ZFHX3: variants seen among roughly 807,000 people sequenced by gnomAD.
ZFHX3 encodes the protein zinc finger homeobox 3, also known as zinc finger homeobox protein 3.
ZFHX3 carries 42 observed loss-of-function variants against 279.1 expected under a neutral mutation model. The ratio of observed to expected loss-of-function variants is 0.15; its 90% CI spans 0.12 to 0.19. The LOEUF (loss-of-function observed/expected upper bound fraction) is 0.19. Ranked by LOEUF, ZFHX3 falls within the 10% of genes least tolerant of loss-of-function variation. ZFHX3 has a pLI of 1.00. For missense variants in ZFHX3, 4,981 were observed against 4,754.0 expected (o/e 1.05, Z -1.40); for synonymous variants, 2,293 against 1,957.8 (o/e 1.17, Z -4.52).
rs972547751 is a variant in ZFHX3, at chr16:72,788,107, T to G, written c.10169A>C (p.Lys3390Thr). 6.2e-7 allele frequency: 1 copy of G among 1,608,494 alleles called. No individual in the cohort carries two copies. The highest frequency in any genetic ancestry group is 1.3e-5 in the African/African-American group (1 of 74,746). The change falls in exon 10 of 10, where the codon AAA (lysine) becomes ACA (threonine). Residue 3390 changes from lysine to threonine, a missense_variant. Lys to Thr is a moderately conservative substitution (Grantham distance 78). Coordinates refer to ENST00000268489, the MANE Select transcript of ZFHX3 (RefSeq NM_006885.4). ...TGCTTTGGGCTGCTGCTGCTGCACTTTTTGCTGCTGCTGCTGCTGTAGTTG... is the reference window on the plus strand; with the variant it reads ...TGCTTTGGGCTGCTGCTGCTGCACTGTTTGCTGCTGCTGCTGCTGTAGTTG... ...QRQLQQQQQQ[K>T]VQQQQPKASQ...
intron 2 of ZFHX3, among the ~76,000 whole-genome samples, chr16:73,461,773 A>G (rs931367424): frequency 6.6e-6 from 1 of 152,226 alleles, no homozygotes; most frequent in Admixed American, 6.5e-5. Flanking sequence ...TGATTCCTAT[A>G]GCTATTTAAT....
chr16:72,986,457 T>C (rs1404515140), intron 1 of ZFHX3, among the ~76,000 whole-genome samples: 1 of 152,190 alleles, frequency 6.6e-6, no homozygotes, highest in Non-Finnish European at 1.5e-5. Flanking sequence ...GGTCAAATGC[T>C]GATTGTAGAA....
intron 3 of ZFHX3, among the ~76,000 whole-genome samples, chr16:72,893,756 A>G (rs1263467099): frequency 1.3e-5 from 2 of 152,252 alleles, no homozygotes; most frequent in African/African-American, 4.8e-5. Flanking sequence ...AACCTGGTCC[A>G]GTGAACACCT....
At chr16:73,073,053 T>A (rs1324213199) in intron 8 of ZFHX3, among the ~76,000 whole-genome samples, 1 of 151,472 alleles carries the variant, frequency 6.6e-6, no homozygotes, top group Admixed American at 6.6e-5. Context: ...TGCACCACAA[T>A]GCCCGGCTAA....
At chr16:73,241,894 TC>T (rs1214783705) in intron 5 of ZFHX3, among the ~76,000 whole-genome samples, 1 of 151,774 alleles carries the variant, frequency 6.6e-6, no homozygotes, top group Non-Finnish European at 1.5e-5. Context: ...ATCTCTGCTC[TC>T]TTATTAGTAT....
chr16:73,351,520 C>G (rs2016241679), intron 3 of ZFHX3, among the ~76,000 whole-genome samples: 1 of 152,182 alleles, frequency 6.6e-6, no homozygotes. Context: ...GTTTCTTTCC[C>G]CCCAGCTGCT....
At chr16:73,172,888 G>A (rs1967564023) in intron 5 of ZFHX3, among the ~76,000 whole-genome samples, 1 of 145,652 alleles carries the variant, frequency 6.9e-6, no homozygotes, top group South Asian at 2.2e-4. Context: ...GGTGTCAAAT[G>A]TCATTTCGAC....
intron 5 of ZFHX3, among the ~76,000 whole-genome samples, chr16:73,243,916 A>G (rs2013202388): frequency 6.6e-6 from 1 of 152,234 alleles, no homozygotes; most frequent in Non-Finnish European, 1.5e-5. Context: ...AAGTGACATC[A>G]TGGAGGTTCA....
chr16:73,807,128 C>T (rs1009413082), intron 1 of ZFHX3, among the ~76,000 whole-genome samples: 1 of 152,142 alleles, frequency 6.6e-6, no homozygotes, highest in African/African-American at 2.4e-5. Context: ...AGCTGGAGCA[C>T]CCGAGAAGAG....
chr16:73,553,393 C>A (rs1349036734), intron 2 of ZFHX3, among the ~76,000 whole-genome samples: 2 of 152,048 alleles, frequency 1.3e-5, no homozygotes, highest in African/African-American at 4.8e-5. Flanking sequence ...ATACAGATTC[C>A]ACAGTTTCAA....
chr16:73,268,703 C>A (rs1336502030), intron 4 of ZFHX3, among the ~76,000 whole-genome samples: 1 of 152,206 alleles, frequency 6.6e-6, no homozygotes, highest in Non-Finnish European at 1.5e-5. Flanking sequence ...TTTCATCAGC[C>A]TTTTGTTTTA....
intron 2 of ZFHX3, among the ~76,000 whole-genome samples, chr16:73,631,946 C>T (rs1381751294): frequency 6.6e-6 from 1 of 151,512 alleles, no homozygotes; most frequent in Non-Finnish European, 1.5e-5. Flanking sequence ...CACACACACA[C>T]ACACACACAC....
At chr16:72,921,069 CAAAAAAAAAAAAAA>C (rs57294537) in intron 3 of ZFHX3, among the ~76,000 whole-genome samples, 2 of 23,572 alleles carry the variant, frequency 8.5e-5, no homozygotes, top group Non-Finnish European at 8.0e-5. Context: ...CAGACCTTGT[CAAAAAAAAAAAAAA>C]AAAAAAAAAA....
intron 2 of ZFHX3, among the ~76,000 whole-genome samples, chr16:73,648,471 C>G (rs558425763): frequency 3.3e-5 from 5 of 152,204 alleles, no homozygotes; most frequent in Non-Finnish European, 7.3e-5. Flanking sequence ...CTCACTGCAA[C>G]CTCGGCCTCC....
chr16:72,984,339 T>C (rs1410375058), intron 1 of ZFHX3, among the ~76,000 whole-genome samples: 1 of 152,122 alleles, frequency 6.6e-6, no homozygotes, highest in Non-Finnish European at 1.5e-5. Context: ...AAAAATTCAC[T>C]GGTGAGGCCA....
chr16:73,181,302 T>C (rs544520626), intron 5 of ZFHX3, among the ~76,000 whole-genome samples: 1 of 152,070 alleles, frequency 6.6e-6, no homozygotes, highest in South Asian at 2.1e-4. Context: ...GGTTTCTCCA[T>C]GTTGGTCTCC....
chr16:73,779,136 C>T (rs577501945), intron 1 of ZFHX3, among the ~76,000 whole-genome samples: 253 of 152,290 alleles, frequency 1.7e-3, no homozygotes, highest in African/African-American at 5.8e-3. Context: ...AACACAGAAA[C>T]CAGCATATGG....
chr16:73,086,812 A>G (rs1475134392), intron 8 of ZFHX3, among the ~76,000 whole-genome samples: 10 of 152,146 alleles, frequency 6.6e-5, no homozygotes, highest in Admixed American at 3.3e-4. Context: ...CTGAGGTGGG[A>G]GGATTGTTTG....
intron 1 of ZFHX3, among the ~76,000 whole-genome samples, chr16:73,682,593 C>A (rs1265771310): frequency 6.6e-6 from 1 of 151,856 alleles, no homozygotes; most frequent in African/African-American, 2.4e-5. Flanking sequence ...TGAGACCAGC[C>A]TGGCCAACAT....
Sources: gnomAD v4.1 joint callset for allele counts (sites outside exome capture counted in the v4.1 genomes callset) on GRCh38, gnomAD v4.1.1 for gene constraint, MANE v1.5 for transcripts, NCBI Gene and HGNC (gene_info 2026-07-23, HGNC 2026-07-21) for gene names.